MYH13: variants seen among roughly 807,000 people sequenced by gnomAD.
The protein encoded by MYH13 is myosin heavy chain 13.
MYH13 carries 177 observed loss-of-function variants against 232.1 expected under a neutral mutation model. That is an observed-to-expected ratio of 0.76 (90% CI 0.67 to 0.86). The LOEUF is 0.86. Ranked by LOEUF, MYH13 falls within the 40% of genes least tolerant of loss-of-function variation. The pLI, the probability that MYH13 is intolerant of heterozygous loss-of-function variation, is 0.00. For missense variants in MYH13, 2,246 were observed against 2,405.9 expected (o/e 0.93, Z 1.39); for synonymous variants, 884 against 923.5 (o/e 0.96, Z 0.78).
intron 2 of MYH13, among the ~76,000 whole-genome samples, chr17:10,366,034 C>A (rs1216629671): frequency 6.6e-6 from 1 of 151,978 alleles, no homozygotes; most frequent in Admixed American, 6.6e-5. Flanking sequence ...GCTTAGAATG[C>A]AGAAAATTCA....
intron 21 of MYH13, 138 bp downstream of exon 21, chr17:10,330,249 T>TGCC: frequency 8.1e-7 from 1 of 1,240,420 alleles, no homozygotes; most frequent in Non-Finnish European, 1.1e-6. Flanking sequence ...AGCCCAGGAT[T>TGCC]GCCGCTCAGT....
At chr17:10,320,531 G>T in intron 24 of MYH13, 35 bp from the exon 25 acceptor site, 1 of 1,595,632 alleles carries the variant, frequency 6.3e-7, no homozygotes, top group South Asian at 1.1e-5. Context: ...TTAAGCCCCT[G>T]CTGGGGAAGT....
At chr17:10,334,280 A>G (rs1353569993) in intron 18 of MYH13, among the ~76,000 whole-genome samples, 1 of 152,196 alleles carries the variant, frequency 6.6e-6, no homozygotes, top group Admixed American at 6.5e-5. Context: ...TAGAATGCCC[A>G]CGTGGTTCCC....
At position 10,319,126 on chromosome 17, in the gene MYH13, G is replaced by A; in HGVS notation, c.3402C>T (p.Ala1134=). The change falls in exon 27 of 41, where the codon GCC becomes GCT. Residue 1134 remains alanine, a synonymous_variant. Coordinates refer to ENST00000252172, the MANE Select transcript of MYH13 (RefSeq NM_003802.3). The part of the protein sequence containing the change: ...EEIEAEHTLR[A]KIEKQRSDLA... ...GATCTGAGCGCTGCTTCTCAATCTT[G>A]GCTCTGAGCGTGTGTTCCGCTTCAA... 6.2e-7 allele frequency: 1 copy of A among 1,614,098 alleles called. No homozygotes were observed. The highest frequency in any genetic ancestry group is 8.5e-7 in the Non-Finnish European group (1 of 1,180,032).
intron 11 of MYH13, among the ~76,000 whole-genome samples, chr17:10,353,985 G>A (rs140995098): frequency 2.7e-3 from 412 of 151,660 alleles, no homozygotes; most frequent in African/African-American, 9.4e-3. Context: ...CTCTGTCATT[G>A]ACGAATTGTG....
chr17:10,370,711 C>T (rs2071871669), intron 2 of MYH13, among the ~76,000 whole-genome samples: 2 of 152,130 alleles, frequency 1.3e-5, no homozygotes, highest in South Asian at 4.1e-4. Flanking sequence ...TTTTTGGTCC[C>T]AATTCATCTA....
chr17:10,327,435 C>T (rs997610148), intron 22 of MYH13, among the ~76,000 whole-genome samples: 1 of 152,088 alleles, frequency 6.6e-6, no homozygotes, highest in African/African-American at 2.4e-5. Flanking sequence ...CATGAGCTAC[C>T]ACGCCCGGCC....
At chr17:10,316,539 T>A (rs144500079) in intron 27 of MYH13, among the ~76,000 whole-genome samples, 1 of 152,228 alleles carries the variant, frequency 6.6e-6, no homozygotes, top group African/African-American at 2.4e-5. Context: ...GGTAGATAAG[T>A]ATTTAATGAT....
rs530500004 is a variant in MYH13 at position 10,322,702 on chromosome 17, C to G, written c.2935-994G>C. 2.1e-5 allele frequency among the ~76,000 whole-genome samples: 3 copies of G among 143,826 alleles called. No individual in the cohort carries two copies. The Admixed American group carries it at 2.1e-4, about 10-fold the overall frequency. 94.4% of individuals were successfully genotyped at this position (143,826 alleles called of 152,430 possible). The stretch of plus-strand genomic sequence containing the variant: ...AGGCTGGAGTGCAGTGGCGCAGTCT[C>G]AGCTCACTGCAAGCTCCGCCTCCCG... On this transcript the variant is annotated intron_variant, in intron 23 of 40. Coordinates refer to ENST00000252172, the MANE Select transcript of MYH13 (RefSeq NM_003802.3).
At chr17:10,301,812 C>T (rs1906104832) in intron 39 of MYH13, 109 bp from the exon 40 acceptor site, 3 of 1,413,756 alleles carry the variant, frequency 2.1e-6, no homozygotes, top group South Asian at 1.4e-5. Flanking sequence ...GCCCTGGATT[C>T]CCTGATGGCA....
chr17:10,323,826 G>GAAGAAGAGT (rs1259540515), intron 23 of MYH13, among the ~76,000 whole-genome samples, 196 bp downstream of exon 23: 8 of 128,792 alleles, frequency 6.2e-5, no homozygotes, highest in Non-Finnish European at 1.3e-4. Flanking sequence ...AGAAGAAGAA[G>GAAGAAGAGT]AAGAAGAGTC....
Position 10,303,288 on chromosome 17 carries a change from C to G in MYH13, c.5575G>C (p.Glu1859Gln). ...RKVKEMTYQA[E>Q]EDHKNILRLQ... ...CTAAGGATATTCTTGTGGTCCTCCT[C>G]AGCCTGCAAACAGAGTACACGTGGC... The change falls in exon 39 of 41, where the codon GAG becomes CAG. Residue 1859 changes from glutamate (E) to glutamine (Q), a missense_variant. Transcript: ENST00000252172. 6.2e-7 allele frequency: 1 copy of G among 1,614,100 alleles called. No homozygotes were observed. Among genetic ancestry groups the G allele is most frequent in the East Asian group, 2.2e-5 (1 of 44,868 alleles).
At chr17:10,358,589 C>T (rs2071767073) in intron 7 of MYH13, among the ~76,000 whole-genome samples, 1 of 152,058 alleles carries the variant, frequency 6.6e-6, no homozygotes, top group African/African-American at 2.4e-5. Context: ...GAGACTCCAT[C>T]TCTACAAAAA....
intron 12 of MYH13, among the ~76,000 whole-genome samples, chr17:10,347,974 G>A (rs556235582): frequency 3.9e-5 from 6 of 152,062 alleles, no homozygotes; most frequent in African/African-American, 1.4e-4. Flanking sequence ...ACCTCCCAAA[G>A]TGCTGGGATT....
chr17:10,353,227 G>T (rs1458296800), intron 11 of MYH13, among the ~76,000 whole-genome samples: 1 of 152,096 alleles, frequency 6.6e-6, no homozygotes, highest in African/African-American at 2.4e-5. Context: ...TGCTGAGTGT[G>T]GTCCAACTCA....
chr17:10,323,524 G>A (rs974895295), intron 23 of MYH13, among the ~76,000 whole-genome samples: 18 of 152,048 alleles, frequency 1.2e-4, no homozygotes, highest in African/African-American at 4.1e-4. Context: ...TTGAGAGGCC[G>A]AGGTGGGTGG....
Position 10,343,849 on chromosome 17 carries a change from C to T in MYH13, c.1845G>A (p.Ser615=), listed in dbSNP as rs778246169. The change falls in exon 16 of 41, where the codon TCG becomes TCA. Residue 615 remains serine, a synonymous_variant. Transcript: ENST00000252172. The part of the protein sequence containing the change: ...ETVVGLYQKS[S]LKLLSFLFSN... ...AAAAAAGGAAGGAGAGAAGCTTCAG[C>T]GAAGACTTCTGGTACAGCCCCACCA... The T allele has an allele frequency of 1.7e-5, 28 of 1,610,758 alleles. No individual in the cohort carries two copies. Among genetic ancestry groups the T allele is most frequent in the South Asian group, 8.8e-5 (8 of 90,852 alleles).
At chr17:10,334,742 G>A (rs1411900800) in intron 18 of MYH13, among the ~76,000 whole-genome samples, 5 of 152,082 alleles carry the variant, frequency 3.3e-5, no homozygotes, top group Non-Finnish European at 7.3e-5. Context: ...AGCCGGGCGT[G>A]GTGGCAGGTG....
intron 18 of MYH13, among the ~76,000 whole-genome samples, chr17:10,334,069 G>A (rs1157091717): frequency 6.6e-6 from 1 of 152,202 alleles, no homozygotes; most frequent in Non-Finnish European, 1.5e-5. Flanking sequence ...CTTTGGGGAG[G>A]TAATGTGGGT....
Sources: gnomAD v4.1 joint callset for allele counts (sites outside exome capture counted in the v4.1 genomes callset) on GRCh38, gnomAD v4.1.1 for gene constraint, MANE v1.5 for transcripts, NCBI Gene and HGNC (gene_info 2026-07-23, HGNC 2026-07-21) for gene names.